Variants in PTPRD observed in about 807,000 individuals in gnomAD.
PTPRD encodes receptor-type tyrosine-protein phosphatase delta.
A neutral mutation model predicts 214.5 loss-of-function variants in PTPRD; 34 were observed. The observed-to-expected ratio is 0.16, with a 90% confidence interval of 0.12 to 0.21. The LOEUF is 0.21. Ranked by LOEUF, PTPRD falls within the 10% of genes least tolerant of loss-of-function variation. PTPRD has a pLI of 1.00. For synonymous variants in PTPRD, 1,128 were observed against 845.7 expected (o/e 1.33, Z -5.79); for missense variants, 2,545 against 2,398.7 (o/e 1.06, Z -1.27).
intron 11 of PTPRD, among the ~76,000 whole-genome samples, chr9:8,991,176 G>A (rs920047686): frequency 2.0e-5 from 3 of 147,428 alleles, no homozygotes; most frequent in African/African-American, 2.5e-5. Flanking sequence ...CTGAGATGGC[G>A]CCATTGCACT....
intron 10 of PTPRD, among the ~76,000 whole-genome samples, chr9:9,051,232 T>A (rs892200060): frequency 6.6e-6 from 1 of 152,124 alleles, no homozygotes; most frequent in African/African-American, 2.4e-5. Context: ...TTAAAAAATC[T>A]AAAAAAATTA....
chr9:10,537,225 A>G lies in PTPRD; in HGVS notation c.-600+75173T>C, dbSNP rs185414536. On this transcript the variant is annotated intron_variant, in intron 2 of 45. Transcript: ENST00000381196. ...TTATGTGAAAGAAATGATTTAAAAA[A>G]TCTAAGTGGCTTAAGAGAGTTTATT... is the stretch of plus-strand genomic sequence containing the variant. Among the ~76,000 whole-genome samples, 18 of 152,326 alleles carry G rather than the reference A, an allele frequency of 1.2e-4. No individual in the cohort carries two copies. The East Asian group carries it at 2.5e-3, about 21-fold the overall frequency.
At chr9:9,348,946 AC>A (rs1262962902) in intron 9 of PTPRD, among the ~76,000 whole-genome samples, 3 of 152,004 alleles carry the variant, frequency 2.0e-5, no homozygotes, top group African/African-American at 7.2e-5. Context: ...AGGAGACTAA[AC>A]CTATTTTAAT....
chr9:9,521,462 T>C (rs2154254955), intron 8 of PTPRD, among the ~76,000 whole-genome samples: 1 of 152,264 alleles, frequency 6.6e-6, no homozygotes, highest in Middle Eastern at 3.4e-3. Flanking sequence ...CTTCAGCATT[T>C]CCCAGGTATA....
At chr9:9,413,826 C>A (rs1233465212) in intron 8 of PTPRD, among the ~76,000 whole-genome samples, 4 of 152,138 alleles carry the variant, frequency 2.6e-5, no homozygotes, top group African/African-American at 9.7e-5. Flanking sequence ...ACACTGTCTG[C>A]CACATGACAG....
At chr9:8,454,071 C>T (rs1026246828) in intron 33 of PTPRD, among the ~76,000 whole-genome samples, 2 of 152,056 alleles carry the variant, frequency 1.3e-5, no homozygotes, top group Non-Finnish European at 2.9e-5. Flanking sequence ...ATTATTATTG[C>T]TCTTATTATT....
rs77599103 is a variant in PTPRD, at chr9:9,751,791, C to G, written c.-326+15019G>C. ...TCCAGAGCTATGAAATAATCAATGT[C>G]TGTTGTTTAAGCTGCTCAGTTTGTA... On this transcript the variant is annotated intron_variant, in intron 6 of 45. Transcript: ENST00000381196. Among the ~76,000 whole-genome samples, 370 of 152,196 alleles carry G rather than the reference C, an allele frequency of 2.4e-3. 1 individual carries two copies. The highest frequency in any genetic ancestry group is 8.6e-3 in the African/African-American group (356 of 41,556).
intron 9 of PTPRD, among the ~76,000 whole-genome samples, chr9:9,331,852 G>C (rs932605687): frequency 2.0e-5 from 3 of 151,970 alleles, no homozygotes; most frequent in Non-Finnish European, 4.4e-5. Context: ...CATCATGTTA[G>C]ACATGCATAC....
At chr9:9,058,594 C>T (rs1032502442) in intron 10 of PTPRD, among the ~76,000 whole-genome samples, 1 of 150,920 alleles carries the variant, frequency 6.6e-6, no homozygotes, top group African/African-American at 2.4e-5. Flanking sequence ...GGACTACAGG[C>T]TCCCGCCACC....
chr9:10,141,246 G>T (rs952807219), intron 3 of PTPRD, among the ~76,000 whole-genome samples: 1 of 151,946 alleles, frequency 6.6e-6, no homozygotes, highest in African/African-American at 2.4e-5. Context: ...GGAATTTTTG[G>T]CCAGGGCAAT....
intron 3 of PTPRD, among the ~76,000 whole-genome samples, chr9:10,187,884 C>G (rs1269535909): frequency 6.6e-6 from 1 of 152,172 alleles, no homozygotes; most frequent in Non-Finnish European, 1.5e-5. Context: ...ATTATCTTTC[C>G]TAAATGTAGT....
intron 11 of PTPRD, among the ~76,000 whole-genome samples, chr9:8,937,340 C>G (rs1243351457): frequency 1.3e-5 from 2 of 152,068 alleles, no homozygotes; most frequent in Non-Finnish European, 2.9e-5. Flanking sequence ...ACATCAGATT[C>G]CCTTTCTTAT....
chr9:8,509,382 T>A (rs562134775), intron 21 of PTPRD, among the ~76,000 whole-genome samples: 1 of 152,216 alleles, frequency 6.6e-6, no homozygotes, highest in African/African-American at 2.4e-5. Flanking sequence ...AGGCTAAAAA[T>A]GCACACATAT....
At chr9:9,409,361 C>T (rs1314767869) in intron 8 of PTPRD, among the ~76,000 whole-genome samples, 1 of 151,800 alleles carries the variant, frequency 6.6e-6, no homozygotes, top group Admixed American at 6.6e-5. Flanking sequence ...TTTTATTTTA[C>T]CTTGAGTTTC....
chr9:10,163,811 T>G (rs1377976552), intron 3 of PTPRD, among the ~76,000 whole-genome samples: 1 of 151,528 alleles, frequency 6.6e-6, no homozygotes, highest in Non-Finnish European at 1.5e-5. Context: ...ATGCCAAATA[T>G]CCAAGTCATA....
chr9:10,586,029 T>A (rs1567073177), intron 2 of PTPRD, among the ~76,000 whole-genome samples: 1 of 152,056 alleles, frequency 6.6e-6, no homozygotes, highest in African/African-American at 2.4e-5. Flanking sequence ...GAGAAATTCA[T>A]ACTTAATATA....
intron 2 of PTPRD, among the ~76,000 whole-genome samples, chr9:10,359,247 GTA>G (rs1393587750): frequency 6.6e-6 from 1 of 151,974 alleles, no homozygotes; most frequent in Non-Finnish European, 1.5e-5. Context: ...TGAACATGGT[GTA>G]TGTATGTGTG....
At chr9:9,384,384 T>C (rs952186663) in intron 9 of PTPRD, among the ~76,000 whole-genome samples, 34 of 100,364 alleles carry the variant, frequency 3.4e-4, no homozygotes, top group Middle Eastern at 6.3e-3. Context: ...TTTTTTTTTT[T>C]CTGGTGGGTC....
intron 2 of PTPRD, among the ~76,000 whole-genome samples, chr9:10,404,166 CA>C (rs756075141): frequency 1.3e-4 from 20 of 151,522 alleles, no homozygotes; most frequent in African/African-American, 4.4e-4. Context: ...ATAAAGTTGA[CA>C]AAAAAATTTA....
Sources: gnomAD v4.1 joint callset for allele counts (sites outside exome capture counted in the v4.1 genomes callset) on GRCh38, gnomAD v4.1.1 for gene constraint, MANE v1.5 for transcripts, NCBI Gene and HGNC (gene_info 2026-07-23, HGNC 2026-07-21) for gene names.